The following CFHR1 variants were observed in gnomAD, a reference collection of about 807,000 sequenced individuals.
The protein encoded by CFHR1 is complement factor H-related protein 1.
CFHR1 carries 22 observed loss-of-function variants against 30.4 expected under a neutral mutation model. The ratio of observed to expected loss-of-function variants is 0.72; its 90% CI spans 0.52 to 1.03. The LOEUF is 1.03. Among genes scored for constraint, CFHR1 ranks in the 50% least tolerant of loss-of-function variants. CFHR1 has a pLI of 0.00. For missense variants in CFHR1, 248 were observed against 380.6 expected (o/e 0.65, Z 2.90); for synonymous variants, 95 against 129.1 (o/e 0.74, Z 1.79).
chr1:196,822,643 G>A lies in CFHR1; in HGVS notation c.58+2741G>A, dbSNP rs1302161119. 4.5e-5 allele frequency among the ~76,000 whole-genome samples: 6 copies of A among 134,168 alleles called. 1 individual carries two copies. The highest frequency in any genetic ancestry group is 1.3e-4 in the African/African-American group (4 of 31,136). The allele number at this position is 134,168 out of a possible 152,430, so 88.0% of individuals were successfully genotyped here. On this transcript the variant is annotated intron_variant, in intron 1 of 5. Transcript: ENST00000320493. ...TCTTGTCCCACTGGAAGGTCTTCAC[G>A]GCAGTAACAGGCATGGAGCTGTCCT...
At position 196,822,966 on chromosome 1, in the gene CFHR1, C is replaced by T. The variant is rs572582983; in HGVS notation, c.59-2511C>T. Among the ~76,000 whole-genome samples the T allele has an allele frequency of 5.6e-4, 75 of 133,658 alleles. 23 individuals are homozygous for T. Among genetic ancestry groups the T allele is most frequent in the African/African-American group, 2.2e-3 (69 of 31,042 alleles). 87.7% of individuals were successfully genotyped at this position (133,658 alleles called of 152,430 possible). A position where few individuals can be genotyped will look rare whatever the true frequency, so the allele number is the denominator to read the frequency against. On this transcript the variant is annotated intron_variant, in intron 1 of 5. Coordinates refer to ENST00000320493, the MANE Select transcript of CFHR1 (RefSeq NM_002113.3). ...AGTAATATATTGCACTGCAATGTTA[C>T]GATGGCTATTAGGTGATAGGAATTT...
chr1:196,827,101 A>G lies in CFHR1; in HGVS notation c.430+96A>G. The G allele has an allele frequency of 4.8e-6, 6 of 1,243,938 alleles. 1 individual carries two copies. The highest frequency in any genetic ancestry group is 6.7e-6 in the Non-Finnish European group (6 of 890,022). 77.1% of individuals were successfully genotyped at this position (1,243,938 alleles called of 1,614,324 possible). A position where few individuals can be genotyped will look rare whatever the true frequency, so the allele number is the denominator to read the frequency against. On this transcript the variant is annotated intron_variant, in intron 3 of 5. Coordinates refer to ENST00000320493, the MANE Select transcript of CFHR1 (RefSeq NM_002113.3). The stretch of plus-strand genomic sequence containing the variant: ...AGGTTAAATATAGGTTTTGCCACAT[A>G]CTTTTATCTTTATTCATTTGATTTT...
intron 1 of CFHR1, among the ~76,000 whole-genome samples, chr1:196,823,698 A>G (rs1226801293): frequency 7.4e-6 from 1 of 135,974 alleles, no homozygotes; most frequent in Non-Finnish European, 1.6e-5. Flanking sequence ...GCAGTACTAT[A>G]TTGCAAAAAT....
At chr1:196,826,370 A>G (rs1655321519) in intron 2 of CFHR1, among the ~76,000 whole-genome samples, 1 of 135,786 alleles carries the variant, frequency 7.4e-6, no homozygotes. Context: ...ATATATACAT[A>G]TAAAAGAACC....
chr1:196,827,571 T>A (rs1387348716), intron 3 of CFHR1, among the ~76,000 whole-genome samples: 1 of 136,002 alleles, frequency 7.4e-6, no homozygotes, highest in Non-Finnish European at 1.5e-5. Flanking sequence ...ACTTGGGTAA[T>A]TTTCAAAATG....
exon 6 of CFHR1, chr1:196,832,183 AAACT>A: frequency 1.5e-6 from 1 of 676,428 alleles, no homozygotes; most frequent in South Asian, 2.2e-5. Context: ...AAAACTTGGA[AAACT>A]AACTGTTGTG....
intron 1 of CFHR1, among the ~76,000 whole-genome samples, chr1:196,824,199 G>T (rs1160152729): frequency 7.4e-6 from 1 of 134,318 alleles, no homozygotes; most frequent in East Asian, 2.0e-4. Context: ...GTCTAAGAGA[G>T]AATGGTGTAG....
chr1:196,832,045 A>C lies in CFHR1; in HGVS notation c.*46A>C, dbSNP rs1655587424. On this transcript the variant is annotated 3_prime_UTR_variant, in exon 6 of 6. Coordinates refer to ENST00000320493, the MANE Select transcript of CFHR1 (RefSeq NM_002113.3). The stretch of plus-strand genomic sequence containing the variant: ...CCTTTATTCAGAACTTTAGTATTAA[A>C]TCAGTTCTTAATTTCATTTTTAAGT... The C allele has an allele frequency of 7.6e-6, 11 of 1,456,140 alleles. 1 individual carries two copies. Among genetic ancestry groups the C allele is most frequent in the Non-Finnish European group, 8.4e-6 (9 of 1,070,488 alleles). The allele number at this position is 1,456,140 out of a possible 1,614,324, so 90.2% of individuals were successfully genotyped here. A position where few individuals can be genotyped will look rare whatever the true frequency, so the allele number is the denominator to read the frequency against.
Position 196,830,474 on chromosome 1 carries a change from T to G in CFHR1, c.608-26T>G, listed in dbSNP as rs1257342411. 4.6e-6 allele frequency: 7 copies of G among 1,522,510 alleles called. 2 individuals carry two copies. The African/African-American group carries it at 1.2e-4, about 26-fold the overall frequency. The allele number at this position is 1,522,510 out of a possible 1,614,324, so 94.3% of individuals were successfully genotyped here. ...TATTTTGATTTGCTCTCACAATAAA[T>G]CAAGTGATGAAATGATGTTTTTTAG... is the stretch of plus-strand genomic sequence containing the variant. On this transcript the variant is annotated intron_variant, in intron 4 of 5. Coordinates refer to ENST00000320493, the MANE Select transcript of CFHR1 (RefSeq NM_002113.3).
chr1:196,824,691 A>G lies in CFHR1; in HGVS notation c.59-786A>G, dbSNP rs187617230. Among the ~76,000 whole-genome samples, 607 of 112,850 alleles carry G rather than the reference A, an allele frequency of 5.4e-3. 83 individuals are homozygous for G. The highest frequency in any genetic ancestry group is 7.3e-3 in the Non-Finnish European group (424 of 57,904). 74.0% of individuals were successfully genotyped at this position (112,850 alleles called of 152,430 possible). A position where few individuals can be genotyped will look rare whatever the true frequency, so the allele number is the denominator to read the frequency against. On this transcript the variant is annotated intron_variant, in intron 1 of 5. Coordinates refer to ENST00000320493, the MANE Select transcript of CFHR1 (RefSeq NM_002113.3). Reference sequence around the variant, plus strand: ...TTTATTATCTTTATTGTTTTTTTCAAATATTTTTGATCTGCAGTTGGTTGA... The same window carrying G: ...TTTATTATCTTTATTGTTTTTTTCAGATATTTTTGATCTGCAGTTGGTTGA...
rs866893038 is a variant in CFHR1 at position 196,828,975 on chromosome 1, C to T, written c.607+729C>T. On this transcript the variant is annotated intron_variant, in intron 4 of 5. Coordinates refer to ENST00000320493, the MANE Select transcript of CFHR1 (RefSeq NM_002113.3). The stretch of plus-strand genomic sequence containing the variant: ...TAATTATTGATATATAGGACTTAAA[C>T]CTCTGTCATTTATTTGTTTCTGTCT... 7.1e-4 allele frequency among the ~76,000 whole-genome samples: 95 copies of T among 133,272 alleles called. 22 individuals carry two copies. Among genetic ancestry groups the T allele is most frequent in the African/African-American group, 2.7e-3 (83 of 30,940 alleles). The allele number at this position is 133,272 out of a possible 152,430, so 87.4% of individuals were successfully genotyped here.
chr1:196,830,045 A>G (rs1304229556), intron 4 of CFHR1, among the ~76,000 whole-genome samples: 2 of 135,080 alleles, frequency 1.5e-5, no homozygotes, highest in Non-Finnish European at 3.1e-5. Context: ...TCAGCTCCCC[A>G]TGTATTATTA....
At position 196,830,515 on chromosome 1, in the gene CFHR1, G is replaced by A. The variant is rs531445579; in HGVS notation, c.623G>A (p.Cys208Tyr). The part of the protein sequence containing the change: ...PPQCKDSTGK[C>Y]GPPPPIDNGD... ...TGTTTTTTAGATTCTACGGGAAAAT[G>A]TGGGCCCCCTCCACCTATTGACAAT... The change falls in exon 5 of 6, where the codon TGT becomes TAT. Residue 208 changes from cysteine to tyrosine, a missense_variant. Around this residue, in one of 3 missense-constraint regions of CFHR1, gnomAD observed 112 missense variants for 156.4 expected, o/e 0.72. Coordinates refer to ENST00000320493, the MANE Select transcript of CFHR1 (RefSeq NM_002113.3). 181 of 1,525,186 alleles carry A rather than the reference G, an allele frequency of 1.2e-4. 39 individuals carry two copies. The South Asian group carries it at 2.1e-3, about 18-fold the overall frequency. 94.5% of individuals were successfully genotyped at this position (1,525,186 alleles called of 1,614,324 possible).
chr1:196,823,099 A>ATGTGTG lies in CFHR1; in HGVS notation c.59-2377_59-2376insGTGTGT, dbSNP rs1263974008. Among the ~76,000 whole-genome samples the ATGTGTG allele has an allele frequency of 6.6e-5, 3 of 45,696 alleles. 1 individual carries two copies. The highest frequency in any genetic ancestry group is 3.9e-4 in the African/African-American group (3 of 7,602). 30.0% of individuals were successfully genotyped at this position (45,696 alleles called of 152,430 possible). On this transcript the variant is annotated intron_variant, in intron 1 of 5. Transcript: ENST00000320493. ...TGTACGACTGTATATATATATATATATATGTGTGTGTGTGTGTGTGTGTGT... is the reference window on the plus strand; with the variant it reads ...TGTACGACTGTATATATATATATATATGTGTGTATGTGTGTGTGTGTGTGTGTGTGT...
intron 1 of CFHR1, among the ~76,000 whole-genome samples, chr1:196,824,957 C>T (rs1655268636): frequency 7.8e-6 from 1 of 127,674 alleles, no homozygotes; most frequent in Non-Finnish European, 1.6e-5. Context: ...AACTTTGTAA[C>T]CAGAAAATAT....
At chr1:196,824,746 C>CTGTA (rs1553292928) in intron 1 of CFHR1, among the ~76,000 whole-genome samples, 1 of 36,528 alleles carries the variant, frequency 2.7e-5, no homozygotes. Context: ...GTGGGGCTGA[C>CTGTA]TGTATATATA....
chr1:196,826,917 C>A lies in CFHR1; in HGVS notation c.342C>A (p.Cys114Ter). ...HLEGDTVQII[C>*]NTGYRLQNNE... is the part of the protein sequence containing the mutation. ...AAGGTGATACTGTGCAAATTATTTGCAACACAGGATACAGACTTCAAAACA... is the reference window on the plus strand; with the variant it reads ...AAGGTGATACTGTGCAAATTATTTGAAACACAGGATACAGACTTCAAAACA... The change falls in exon 3 of 6, where the codon TGC becomes TGA. Residue 114 changes from cysteine (C) to a stop codon, truncating the protein, a stop_gained. Coordinates refer to ENST00000320493, the MANE Select transcript of CFHR1 (RefSeq NM_002113.3). LOFTEE classifies it high-confidence loss of function. 1.3e-6 allele frequency: 2 copies of A among 1,525,190 alleles called. No homozygotes were observed. The highest frequency in any genetic ancestry group is 1.8e-6 in the Non-Finnish European group (2 of 1,129,278). 94.5% of individuals were successfully genotyped at this position (1,525,190 alleles called of 1,614,324 possible).
In CFHR1 at chr1:196,823,083, G is replaced by GTATA. The variant is rs533753280; in HGVS notation, c.59-2378_59-2375dup. 8.4e-5 allele frequency among the ~76,000 whole-genome samples: 10 copies of GTATA among 119,340 alleles called. 1 individual carries two copies. Among genetic ancestry groups the GTATA allele is most frequent in the East Asian group, 2.1e-4 (1 of 4,720 alleles). 78.3% of individuals were successfully genotyped at this position (119,340 alleles called of 152,430 possible). On this transcript the variant is annotated intron_variant, in intron 1 of 5. Coordinates refer to ENST00000320493, the MANE Select transcript of CFHR1 (RefSeq NM_002113.3). The stretch of plus-strand genomic sequence containing the variant: ...TTATGTGGTGAATAACTGTACGACT[G>GTATA]TATATATATATATATATATGTGTGT...
At chr1:196,828,529 T>C (rs568733491) in intron 4 of CFHR1, among the ~76,000 whole-genome samples, 3 of 132,290 alleles carry the variant, frequency 2.3e-5, no homozygotes, top group Admixed American at 1.5e-4. Context: ...TAATAAAAGA[T>C]ACATTATGTG....
Sources: allele counts gnomAD v4.1 joint callset (sites outside exome capture counted in the v4.1 genomes callset), GRCh38; gene constraint gnomAD v4.1.1; regional missense constraint gnomAD v4.1.1; transcripts MANE v1.5; gene names NCBI Gene and HGNC (gene_info 2026-07-23, HGNC 2026-07-21).